Variants in ADAM29 observed in about 807,000 individuals in gnomAD.
ADAM29 encodes ADAM metallopeptidase domain 29, also known as disintegrin and metalloproteinase domain-containing protein 29.
For synonymous variants in ADAM29, 367 were observed against 342.3 expected (o/e 1.07, Z -0.80); for missense variants, 969 against 1,001.8 (o/e 0.97, Z 0.44).
intron 4 of ADAM29, among the ~76,000 whole-genome samples, chr4:174,948,509 C>A (rs772570348): frequency 2.0e-5 from 3 of 152,026 alleles, no homozygotes; most frequent in Non-Finnish European, 4.4e-5. Flanking sequence ...TGTTTTTTGG[C>A]CCCTTGAGGT....
In ADAM29 at chr4:174,941,595, C is replaced by T. The variant is rs1470940573; in HGVS notation, c.-181+4582C>T. Among the ~76,000 whole-genome samples, 5 of 152,092 alleles carry T rather than the reference C, an allele frequency of 3.3e-5. No individual in the cohort carries two copies. In the East Asian group the frequency reaches 9.7e-4, roughly 29 times the overall value. On this transcript the variant is annotated intron_variant, in intron 4 of 4. Coordinates refer to ENST00000359240, the MANE Select transcript of ADAM29 (RefSeq NM_014269.4). ...ATCAGATCTCCTGAGAACTCACTCA[C>T]TGTCATGGGAACAGCATGGGAGAAG...
intron 4 of ADAM29, among the ~76,000 whole-genome samples, chr4:174,962,384 C>T (rs570478442): frequency 4.0e-5 from 6 of 151,770 alleles, no homozygotes; most frequent in South Asian, 2.1e-4. Flanking sequence ...TGGTGGGGGG[C>T]GCCTGTAGTC....
At chr4:174,939,786 GAAAC>G (rs1221939010) in intron 4 of ADAM29, among the ~76,000 whole-genome samples, 1 of 152,170 alleles carries the variant, frequency 6.6e-6, no homozygotes, top group African/African-American at 2.4e-5. Context: ...TAGATGGAAA[GAAAC>G]AAACAAGCCT....
chr4:174,930,326 A>G (rs1743788609), intron 2 of ADAM29, among the ~76,000 whole-genome samples: 1 of 152,222 alleles, frequency 6.6e-6, no homozygotes, highest in African/African-American at 2.4e-5. Flanking sequence ...TTGAATAATT[A>G]AAGCAATTTT....
At chr4:174,959,457 CTGTGTGTGTGTG>C (rs34184384) in intron 4 of ADAM29, among the ~76,000 whole-genome samples, 9 of 145,612 alleles carry the variant, frequency 6.2e-5, no homozygotes, top group African/African-American at 2.0e-4. Flanking sequence ...ATGAGAAAGA[CTGTGTGTGTGTG>C]TGTGTGTGTG....
chr4:174,938,222 A>C lies in ADAM29; in HGVS notation c.-181+1209A>C, dbSNP rs554202951. 1.1e-3 allele frequency among the ~76,000 whole-genome samples: 168 copies of C among 152,184 alleles called. 2 individuals are homozygous for C. The highest frequency in any genetic ancestry group is 7.7e-4 in the East Asian group (4 of 5,180). On this transcript the variant is annotated intron_variant, in intron 4 of 4. Transcript: ENST00000359240. The stretch of plus-strand genomic sequence containing the variant: ...GATTTAAATATTAAAAAACCAAGAA[A>C]TCTTGGGGCGGGGCAAGAAGTCTAC...
chr4:174,923,575 A>C (rs1222021155), intron 2 of ADAM29, among the ~76,000 whole-genome samples: 1 of 147,544 alleles, frequency 6.8e-6, no homozygotes, highest in African/African-American at 2.5e-5. Flanking sequence ...ACACACATAT[A>C]TATCTTTAAA....
chr4:174,965,250 G>C (rs1304000584), intron 4 of ADAM29, among the ~76,000 whole-genome samples: 1 of 151,880 alleles, frequency 6.6e-6, no homozygotes, highest in Non-Finnish European at 1.5e-5. Flanking sequence ...AAGCAAGAGA[G>C]AGAGAAACCA....
chr4:174,923,525 G>GTATATATATA (rs58980378), intron 2 of ADAM29, among the ~76,000 whole-genome samples: 9 of 96,676 alleles, frequency 9.3e-5, no homozygotes, highest in African/African-American at 3.0e-4. Context: ...TGCATTATAT[G>GTATATATATA]TATATATATA....
intron 4 of ADAM29, among the ~76,000 whole-genome samples, chr4:174,950,674 A>C (rs1469529457): frequency 6.6e-6 from 1 of 152,224 alleles, no homozygotes; most frequent in East Asian, 1.9e-4. Flanking sequence ...TATAAATCAT[A>C]CACACATGCA....
intron 4 of ADAM29, among the ~76,000 whole-genome samples, chr4:174,938,665 T>A (rs1192792109): frequency 6.6e-6 from 1 of 152,124 alleles, no homozygotes; most frequent in Non-Finnish European, 1.5e-5. Context: ...TACAAGATGA[T>A]CATGAGATCA....
At chr4:174,927,536 G>T (rs1006171710) in intron 2 of ADAM29, among the ~76,000 whole-genome samples, 1 of 152,046 alleles carries the variant, frequency 6.6e-6, no homozygotes, top group African/African-American at 2.4e-5. Context: ...TACTATCTAA[G>T]TAGTAAATTT....
Position 174,977,725 on chromosome 4 carries a change from C to T in ADAM29, c.2200C>T (p.Pro734Ser). 6.2e-7 allele frequency: 1 copy of T among 1,613,646 alleles called. No individual in the cohort carries two copies. Among genetic ancestry groups the T allele is most frequent in the Non-Finnish European group, 8.5e-7 (1 of 1,179,614 alleles). The change falls in exon 5 of 5, where the codon CCT becomes TCT. Residue 734 changes from proline to serine, a missense_variant. Pro to Ser is a moderately conservative substitution (Grantham distance 74). Transcript: ENST00000359240. ...TCATGAGTTACCTCCCCAGAGTCAA[C>T]CTTGGGTGATGCCTTCCCAGAGTCA... is the stretch of plus-strand genomic sequence containing the variant. ...RPHELPPQSQ[P>S]WVMPSQSQPP...
chr4:174,961,033 C>T (rs918013549), intron 4 of ADAM29, among the ~76,000 whole-genome samples: 3 of 152,100 alleles, frequency 2.0e-5, no homozygotes, highest in Non-Finnish European at 2.9e-5. Flanking sequence ...CTTCTTGCTC[C>T]TCCCTTACAA....
chr4:174,976,611 A>T lies in ADAM29; in HGVS notation c.1086A>T (p.Pro362=). Residue 362 remains proline (P), a synonymous_variant, in exon 5 of 5, where the codon CCA becomes CCT. Coordinates refer to ENST00000359240, the MANE Select transcript of ADAM29 (RefSeq NM_014269.4). ...GCATAATGCATGAAGGCAACCCACC[A>T]ATAACTAAATTTAGCAATTGTAGTT... The part of the protein sequence containing the change: ...PRCIMHEGNP[P]ITKFSNCSYG... 6.2e-7 allele frequency: 1 copy of T among 1,609,292 alleles called. No individual in the cohort carries two copies. The highest frequency in any genetic ancestry group is 8.5e-7 in the Non-Finnish European group (1 of 1,177,692).
intron 2 of ADAM29, among the ~76,000 whole-genome samples, chr4:174,927,294 G>A (rs1195882430): frequency 6.6e-6 from 1 of 152,116 alleles, no homozygotes; most frequent in African/African-American, 2.4e-5. Context: ...AATATTTATA[G>A]TAGCTTACAC....
rs1450666270 is a variant in ADAM29, at chr4:174,931,078, T to TG, written c.-357dup. ...AGTGCATAACTCGTCAATACTCCTGTGATCGTATAACCATCAGCAAGAAAA... is the reference window on the plus strand; with the variant it reads ...AGTGCATAACTCGTCAATACTCCTGTGGATCGTATAACCATCAGCAAGAAAA... On this transcript the variant is annotated 5_prime_UTR_variant, in exon 3 of 5. Transcript: ENST00000359240. 5 of 152,330 alleles carry TG rather than the reference T, an allele frequency of 3.3e-5. No individual in the cohort carries two copies. The highest frequency in any genetic ancestry group is 3.3e-4 in the Admixed American group (5 of 15,298). The allele number at this position is 152,330 out of a possible 1,614,324, so 9.4% of individuals were successfully genotyped here.
At chr4:174,959,365 C>A (rs907180957) in intron 4 of ADAM29, among the ~76,000 whole-genome samples, 1 of 151,536 alleles carries the variant, frequency 6.6e-6, no homozygotes, top group Non-Finnish European at 1.5e-5. Flanking sequence ...GTAAGGTGCC[C>A]CTTACCAGCT....
At chr4:174,965,936 T>C (rs1048670549) in intron 4 of ADAM29, among the ~76,000 whole-genome samples, 7 of 152,194 alleles carry the variant, frequency 4.6e-5, no homozygotes, top group Non-Finnish European at 8.8e-5. Context: ...CAAATTCATG[T>C]CTTTCTCAAA....
Sources: gnomAD v4.1 joint callset for allele counts (sites outside exome capture counted in the v4.1 genomes callset) on GRCh38, gnomAD v4.1.1 for gene constraint, MANE v1.5 for transcripts, NCBI Gene and HGNC (gene_info 2026-07-23, HGNC 2026-07-21) for gene names.